The following CLCN3 variants were observed in gnomAD, a reference collection of about 807,000 sequenced individuals.
CLCN3 encodes the protein Cl-/H+ antiporter 3.
In CLCN3, 16 loss-of-function variants were observed where a neutral mutation model predicts 83.4. That is an observed-to-expected ratio of 0.19 (90% CI 0.13 to 0.29). The LOEUF (loss-of-function observed/expected upper bound fraction) is 0.29, where lower values mean the gene tolerates loss of function less well. CLCN3 is among the 10% of genes least tolerant of loss of function. The pLI is 1.00. For missense variants in CLCN3, 544 were observed against 1,006.0 expected, an observed-to-expected ratio of 0.54 and a Z score of 6.21; for synonymous variants, 322 against 346.2, an observed-to-expected ratio of 0.93 and a Z score of 0.78.
At chr4:169,702,596 A>T (rs2150261583) in intron 9 of CLCN3, among the ~76,000 whole-genome samples, 1 of 152,116 alleles carries the variant, frequency 6.6e-6, no homozygotes, top group East Asian at 1.9e-4. Context: ...TTACTTAAAA[A>T]AAAAGTCTTT....
chr4:169,661,294 A>G (rs1354618314), intron 2 of CLCN3, among the ~76,000 whole-genome samples: 1 of 152,144 alleles, frequency 6.6e-6, no homozygotes, highest in African/African-American at 2.4e-5. Context: ...ATGTGACTTC[A>G]TTTTTGAGCC....
At chr4:169,719,503 T>C (rs1226994000) in intron 12 of CLCN3, among the ~76,000 whole-genome samples, 1 of 152,114 alleles carries the variant, frequency 6.6e-6, no homozygotes, top group Non-Finnish European at 1.5e-5. Flanking sequence ...GAGAAAATAT[T>C]GAGAGGATTT....
intron 1 of CLCN3, among the ~76,000 whole-genome samples, chr4:169,627,259 A>G (rs1325919023): frequency 6.6e-6 from 1 of 152,132 alleles, no homozygotes; most frequent in African/African-American, 2.4e-5. Flanking sequence ...GCTGTTGCGC[A>G]TACTTTTTTT....
chr4:169,698,917 G>A (rs774768046), intron 9 of CLCN3, among the ~76,000 whole-genome samples: 4 of 152,134 alleles, frequency 2.6e-5, no homozygotes, highest in Non-Finnish European at 5.9e-5. Flanking sequence ...GCAGTAGCTG[G>A]TCAAGTCTTT....
intron 2 of CLCN3, among the ~76,000 whole-genome samples, chr4:169,644,699 AC>A (rs34511143): frequency 0.046 from 7,054 of 152,228 alleles, 205 homozygotes; most frequent in African/African-American, 0.082. Context: ...CCATCCCCAC[AC>A]CCGAATTCCC....
At chr4:169,643,153 A>G (rs1381728936) in intron 2 of CLCN3, 1 of 152,246 alleles carries the variant, frequency 6.6e-6, no homozygotes, top group East Asian at 1.9e-4. Context: ...AAGACTGAAT[A>G]GAAGCCACCA....
chr4:169,640,668 G>C (rs1255043469), intron 2 of CLCN3, among the ~76,000 whole-genome samples: 1 of 152,132 alleles, frequency 6.6e-6, no homozygotes, highest in Non-Finnish European at 1.5e-5. Context: ...CAGGAAGGGA[G>C]AGCCAAGATT....
chr4:169,662,263 C>A (rs1731082445), intron 2 of CLCN3, among the ~76,000 whole-genome samples: 1 of 152,120 alleles, frequency 6.6e-6, no homozygotes, highest in Non-Finnish European at 1.5e-5. Flanking sequence ...CAAATAGGTT[C>A]TTTATCCCTT....
At chr4:169,630,715 T>G (rs1448970726) in intron 1 of CLCN3, among the ~76,000 whole-genome samples, 1 of 152,020 alleles carries the variant, frequency 6.6e-6, no homozygotes, top group Non-Finnish European at 1.5e-5. Flanking sequence ...ATTTTTTTAG[T>G]ACAGGGTTTC....
At chr4:169,660,127 G>A (rs1393922075) in intron 2 of CLCN3, 1 of 1,092,162 alleles carries the variant, frequency 9.2e-7, no homozygotes. Context: ...TAAGAAGGCT[G>A]TGCCGCCTCT....
At position 169,714,976 on chromosome 4, in the gene CLCN3, G is replaced by C. The variant is rs562615006; in HGVS notation, c.2366+1681G>C. 2.6e-5 allele frequency among the ~76,000 whole-genome samples: 4 copies of C among 152,196 alleles called. No individual in the cohort carries two copies. The South Asian group carries it at 8.3e-4, about 32-fold the overall frequency. On this transcript the variant is annotated intron_variant, in intron 12 of 12. Coordinates refer to ENST00000513761, the MANE Select transcript of CLCN3 (RefSeq NM_001829.4). ...ATGGGGCAACTTTTCATAAAGCTTTGCTAGTCCTTGAGCCCTTTTATTTGT... is the reference window on the plus strand; with the variant it reads ...ATGGGGCAACTTTTCATAAAGCTTTCCTAGTCCTTGAGCCCTTTTATTTGT...
chr4:169,690,435 A>G, intron 5 of CLCN3, 95 bp from the exon 6 acceptor site: 3 of 1,311,752 alleles, frequency 2.3e-6, no homozygotes, highest in Non-Finnish European at 1.1e-6. Flanking sequence ...GTGAGCCACC[A>G]TGCCTGGCCG....
At chr4:169,672,709 G>A (rs1163977247) in intron 2 of CLCN3, among the ~76,000 whole-genome samples, 2 of 151,988 alleles carry the variant, frequency 1.3e-5, no homozygotes, top group Non-Finnish European at 2.9e-5. Flanking sequence ...TGTCACCCAG[G>A]CTAGAGTGCA....
intron 1 of CLCN3, among the ~76,000 whole-genome samples, chr4:169,631,391 A>G (rs1484916042): frequency 6.6e-6 from 1 of 152,050 alleles, no homozygotes; most frequent in Non-Finnish European, 1.5e-5. Context: ...GTTTCACGCC[A>G]TTCTCCTGCC....
intron 2 of CLCN3, chr4:169,660,068 G>T: frequency 9.8e-7 from 1 of 1,020,692 alleles, no homozygotes; most frequent in Non-Finnish European, 1.2e-6. Context: ...AACCAGTTTT[G>T]TGTGTTGTAC....
chr4:169,646,757 A>C (rs1730585713), intron 2 of CLCN3, among the ~76,000 whole-genome samples: 1 of 152,184 alleles, frequency 6.6e-6, no homozygotes, highest in Admixed American at 6.5e-5. Context: ...TCCAGAAGGA[A>C]ATAGGGATAG....
In CLCN3 at chr4:169,620,718, A is replaced by G. The variant is rs1773090726; in HGVS notation, c.-362A>G. 2.0e-5 allele frequency: 8 copies of G among 398,550 alleles called. No homozygotes were observed. The highest frequency in any genetic ancestry group is 3.5e-5 in the Non-Finnish European group (8 of 226,092). 24.7% of individuals were successfully genotyped at this position (398,550 alleles called of 1,614,324 possible). On this transcript the variant is annotated 5_prime_UTR_variant, in exon 1 of 13. Transcript: ENST00000513761. ...AGCCATCCTACTTTACTCCCGAGTT[A>G]GAGCATGGATTCAGTTTTAGTCTTA... is the stretch of plus-strand genomic sequence containing the variant.
intron 1 of CLCN3, among the ~76,000 whole-genome samples, chr4:169,621,689 C>T (rs765833401): frequency 2.6e-5 from 4 of 152,184 alleles, no homozygotes; most frequent in Non-Finnish European, 4.4e-5. Context: ...GTTCTACAAA[C>T]GTAAACTTTT....
At chr4:169,690,730 G>A (rs762088772) in intron 6 of CLCN3, 78 bp downstream of exon 6, 39 of 1,417,494 alleles carry the variant, frequency 2.8e-5, no homozygotes, top group Non-Finnish European at 3.6e-5. Flanking sequence ...ATAAAAGTTG[G>A]CTTTTCTGGA....
Sources: allele counts gnomAD v4.1 joint callset (sites outside exome capture counted in the v4.1 genomes callset), GRCh38; gene constraint gnomAD v4.1.1; transcripts MANE v1.5; gene names NCBI Gene and HGNC (gene_info 2026-07-23, HGNC 2026-07-21).